Variants in NAALADL2 observed in about 807,000 individuals in gnomAD.
NAALADL2 encodes inactive N-acetylated-alpha-linked acidic dipeptidase-like protein 2.
NAALADL2 carries 76 observed loss-of-function variants against 87.2 expected under a neutral mutation model. The ratio of observed to expected loss-of-function variants is 0.87; its 90% confidence interval spans 0.72 to 1.05. The LOEUF is 1.05. NAALADL2 is among the 50% of genes least tolerant of loss of function. NAALADL2 has a pLI of 0.00. For missense variants in NAALADL2, 1,089 were observed against 945.8 expected, an observed-to-expected ratio of 1.15 and a Z score of -1.99; for synonymous variants, 354 against 331.0, an observed-to-expected ratio of 1.07 and a Z score of -0.75.
chr3:175,470,118 T>A (rs1724646740), intron 8 of NAALADL2, among the ~76,000 whole-genome samples: 1 of 152,116 alleles, frequency 6.6e-6, no homozygotes, highest in Non-Finnish European at 1.5e-5. Context: ...TCCATCCATG[T>A]TATCACAAAA....
intron 9 of NAALADL2, among the ~76,000 whole-genome samples, chr3:175,473,061 A>G (rs79229627): frequency 0.059 from 8,979 of 152,224 alleles, 417 homozygotes; most frequent in African/African-American, 0.12. Flanking sequence ...GAGAATCTTG[A>G]AAGATATTTA....
intron 1 of NAALADL2, among the ~76,000 whole-genome samples, chr3:174,479,065 T>A (rs1311290082): frequency 6.6e-6 from 1 of 152,146 alleles, no homozygotes; most frequent in Non-Finnish European, 1.5e-5. Flanking sequence ...CCTTACATAC[T>A]CTCTACACTT....
chr3:174,782,595 C>T (rs538614517), intron 3 of NAALADL2, among the ~76,000 whole-genome samples: 3 of 151,890 alleles, frequency 2.0e-5, no homozygotes, highest in South Asian at 2.1e-4. Context: ...TCCGTTCTGA[C>T]GCTGCTGTGA....
intron 1 of NAALADL2, among the ~76,000 whole-genome samples, chr3:174,994,675 G>A (rs1280756329): frequency 6.6e-6 from 1 of 152,068 alleles, no homozygotes; most frequent in South Asian, 2.1e-4. Flanking sequence ...TAGTAAAAAC[G>A]ACTGGTAATG....
rs1335119559 is a variant in NAALADL2, at chr3:175,354,903, CAT to C, written c.1090+30582_1090+30583del. Among the ~76,000 whole-genome samples the C allele has an allele frequency of 8.3e-4, 123 of 148,722 alleles. 4 individuals carry two copies. The highest frequency in any genetic ancestry group is 9.4e-4 in the Admixed American group (14 of 14,888). The stretch of plus-strand genomic sequence containing the variant: ...ATATACACACACACACACACACACA[CAT>C]ATACACACATATATATGTGTGTATA... On this transcript the variant is annotated intron_variant, in intron 5 of 13. Transcript: ENST00000454872.
chr3:175,679,641 C>T (rs1735320159), intron 11 of NAALADL2, among the ~76,000 whole-genome samples: 1 of 152,074 alleles, frequency 6.6e-6, no homozygotes, highest in Admixed American at 6.6e-5. Context: ...TTTTAGCAAT[C>T]TTAATTAGAA....
At position 175,000,983 on chromosome 3, in the gene NAALADL2, C is replaced by T. The variant is rs568895481; in HGVS notation, c.44-95807C>T. Among the ~76,000 whole-genome samples the T allele has an allele frequency of 3.2e-4, 48 of 152,246 alleles. 1 individual carries two copies. Among genetic ancestry groups the T allele is most frequent in the African/African-American group, 4.1e-4 (17 of 41,554 alleles). ...ATGACCTTTAAAACACTGCGGCATG[C>T]GCAGAAAACTCCAGTCCCATTTATG... On this transcript the variant is annotated intron_variant, in intron 1 of 13. Transcript: ENST00000454872.
At chr3:175,786,880 A>G (rs13063212) in intron 13 of NAALADL2, among the ~76,000 whole-genome samples, 2 of 152,070 alleles carry the variant, frequency 1.3e-5, no homozygotes, top group East Asian at 3.9e-4. Context: ...TGATGTACAG[A>G]TGGGTTTTTG....
intron 2 of NAALADL2, among the ~76,000 whole-genome samples, chr3:174,629,538 A>G (rs1223302165): frequency 6.6e-6 from 1 of 152,258 alleles, no homozygotes; most frequent in Non-Finnish European, 1.5e-5. Flanking sequence ...TAATCATAAT[A>G]CATTTGAAGT....
intron 1 of NAALADL2, among the ~76,000 whole-genome samples, chr3:174,893,239 C>T (rs191273978): frequency 6.6e-6 from 1 of 152,074 alleles, no homozygotes; most frequent in East Asian, 1.9e-4. Context: ...TGAAGACTTT[C>T]CCAAACAAAA....
At chr3:174,741,269 A>C (rs1394227067) in intron 3 of NAALADL2, among the ~76,000 whole-genome samples, 1 of 151,672 alleles carries the variant, frequency 6.6e-6, no homozygotes, top group Non-Finnish European at 1.5e-5. Context: ...TTACCTAAAT[A>C]ATGTTTTCTG....
chr3:175,623,195 C>T (rs1484942865), intron 10 of NAALADL2, among the ~76,000 whole-genome samples: 1 of 152,036 alleles, frequency 6.6e-6, no homozygotes, highest in African/African-American at 2.4e-5. Flanking sequence ...TATCTTTTGA[C>T]AATTGTATAT....
intron 1 of NAALADL2, among the ~76,000 whole-genome samples, chr3:174,549,365 C>A (rs1711823430): frequency 6.6e-6 from 1 of 152,084 alleles, no homozygotes; most frequent in African/African-American, 2.4e-5. Flanking sequence ...GCAGGATGAC[C>A]AAGCCAGATG....
At chr3:175,412,443 C>T (rs1036582969) in intron 5 of NAALADL2, among the ~76,000 whole-genome samples, 5 of 152,082 alleles carry the variant, frequency 3.3e-5, no homozygotes, top group South Asian at 4.1e-4. Context: ...AATTAGTATT[C>T]GGATAGCTAT....
At chr3:174,747,100 C>A (rs1734329752) in intron 3 of NAALADL2, among the ~76,000 whole-genome samples, 1 of 152,050 alleles carries the variant, frequency 6.6e-6, no homozygotes, top group South Asian at 2.1e-4. Flanking sequence ...AACTAAAGCG[C>A]TTCTGCATAG....
chr3:175,603,322 A>G (rs1207611743), intron 10 of NAALADL2, among the ~76,000 whole-genome samples: 1 of 152,204 alleles, frequency 6.6e-6, no homozygotes. Context: ...TATATATAAC[A>G]TAAAATTTAC....
At chr3:175,325,244 G>A (rs528202157) in intron 5 of NAALADL2, among the ~76,000 whole-genome samples, 1 of 152,132 alleles carries the variant, frequency 6.6e-6, no homozygotes, top group African/African-American at 2.4e-5. Flanking sequence ...CAATTAATTA[G>A]CAACTTTCTC....
intron 12 of NAALADL2, among the ~76,000 whole-genome samples, chr3:175,741,417 G>A (rs554549297): frequency 1.3e-5 from 2 of 152,168 alleles, no homozygotes; most frequent in South Asian, 4.1e-4. Context: ...TCACTTTAGG[G>A]GTTAGATTTA....
At chr3:175,146,983 T>G (rs2108758904) in intron 2 of NAALADL2, among the ~76,000 whole-genome samples, 1 of 152,348 alleles carries the variant, frequency 6.6e-6, no homozygotes, top group South Asian at 2.1e-4. Flanking sequence ...TTTGCATTTG[T>G]GCAAATCTTT....
Sources: allele counts gnomAD v4.1 joint callset (sites outside exome capture counted in the v4.1 genomes callset), GRCh38; gene constraint gnomAD v4.1.1; transcripts MANE v1.5; gene names NCBI Gene and HGNC (gene_info 2026-07-23, HGNC 2026-07-21).